The following SPATA4 variants were observed in gnomAD, a reference collection of about 807,000 sequenced individuals.
SPATA4 encodes the protein spermatogenesis-associated protein 4.
In SPATA4, 35 loss-of-function variants were observed where a neutral mutation model predicts 31.8. The observed-to-expected ratio is 1.10, with a 90% CI of 0.84 to 1.46. The LOEUF is 1.46. Ranked by LOEUF, SPATA4 falls within the 40% of genes most tolerant of loss-of-function variation. The pLI, the probability that SPATA4 is intolerant of heterozygous loss-of-function variation, is 0.00. For synonymous variants in SPATA4, 126 were observed against 132.4 expected (o/e 0.95, Z 0.33); for missense variants, 394 against 363.1 (o/e 1.09, Z -0.69).
chr4:176,192,984 C>G lies in SPATA4; in HGVS notation c.441G>C (p.Glu147Asp). The G allele has an allele frequency of 1.2e-6, 2 of 1,608,904 alleles. No individual in the cohort carries two copies. The highest frequency in any genetic ancestry group is 1.7e-5 in the Admixed American group (1 of 59,232). The change falls in exon 3 of 6, where the codon GAG becomes GAC. Residue 147 changes from glutamate (E) to aspartate (D), a missense_variant. Physicochemically the swap from Glu to Asp is conservative, Grantham distance 45. Transcript: ENST00000280191. ...KAGVPEILIE[E>D]VYTLLTHREI... ...CTCGATGTGTTAATAAAGTGTAAAC[C>G]TCTTCTATCAATATTTCAGGCACTC...
At chr4:176,192,454 A>C (rs1752545504) in intron 4 of SPATA4, among the ~76,000 whole-genome samples, 173 bp downstream of exon 4, 1 of 152,230 alleles carries the variant, frequency 6.6e-6, no homozygotes, top group African/African-American at 2.4e-5. Context: ...ATTGATTTAT[A>C]AACCACTCCA....
At position 176,193,162 on chromosome 4, in the gene SPATA4, T is replaced by A. The variant is rs2126924750; in HGVS notation, c.349-86A>T. ...TATGAATTCACTTTAATCTCCCTTT[T>A]ATTTACCTATGAAGTAATTTTTGTG... On this transcript the variant is annotated intron_variant, in intron 2 of 5. Transcript: ENST00000280191. The A allele has an allele frequency of 3.3e-6, 3 of 914,700 alleles. No individual in the cohort carries two copies. The South Asian group carries it at 5.1e-5, about 16-fold the overall frequency. 56.7% of individuals were successfully genotyped at this position (914,700 alleles called of 1,614,324 possible). A position where few individuals can be genotyped will look rare whatever the true frequency, so the allele number is the denominator to read the frequency against.
chr4:176,184,908 A>G lies in SPATA4; in HGVS notation c.806-16T>C. 1 of 1,476,114 alleles carries G rather than the reference A, an allele frequency of 6.8e-7. No individual in the cohort carries two copies. The highest frequency in any genetic ancestry group is 9.3e-7 in the Non-Finnish European group (1 of 1,074,256). The allele number at this position is 1,476,114 out of a possible 1,614,324, so 91.4% of individuals were successfully genotyped here. A position where few individuals can be genotyped will look rare whatever the true frequency, so the allele number is the denominator to read the frequency against. ...CCTATATTTGCTGGGACATTTAAAT[A>G]AGCAAAATTAAAATCAATTCATGGT... On this transcript the variant is annotated splice_polypyrimidine_tract_variant and intron_variant, in intron 5 of 5. Coordinates refer to ENST00000280191, the MANE Select transcript of SPATA4 (RefSeq NM_144644.4).
At chr4:176,188,346 T>TAAA in intron 4 of SPATA4, 111 bp from the exon 5 acceptor site, 1 of 696,816 alleles carries the variant, frequency 1.4e-6, no homozygotes, top group South Asian at 2.1e-5. Context: ...CTGTTTATCA[T>TAAA]ATTCCTGAGT....
In SPATA4 at chr4:176,195,515, T is replaced by C. The variant is rs1325745866; in HGVS notation, c.48A>G (p.Ala16=). 1.2e-6 allele frequency: 2 copies of C among 1,614,142 alleles called. No individual in the cohort carries two copies. The highest frequency in any genetic ancestry group is 1.7e-6 in the Non-Finnish European group (2 of 1,180,054). ...AAAGTGACGGTGACTTGTCTAGGGC[T>C]GCCGCAGTCTGTGTCAAATACCCTT... is the stretch of plus-strand genomic sequence containing the variant. ...QEKGYLTQTA[A]ALDKSPSLSP... The change falls in exon 1 of 6, where the codon GCA becomes GCG. Residue 16 remains alanine (A), a synonymous_variant. Transcript: ENST00000280191.
rs778467630 is a variant in SPATA4, at chr4:176,195,555, G to A, written c.8C>T (p.Ala3Val). The change falls in exon 1 of 6, where the codon GCC becomes GTC. Residue 3 changes from alanine to valine, a missense_variant. Coordinates refer to ENST00000280191, the MANE Select transcript of SPATA4 (RefSeq NM_144644.4). ...CAAATACCCTTTTTCCTGGCCGGCG[G>A]CAGCCATGACGCTTTCTGGGTTGCT... The part of the protein sequence containing the change: MA[A>V]AGQEKGYLTQ... 6.2e-7 allele frequency: 1 copy of A among 1,613,410 alleles called. No homozygotes were observed. The highest frequency in any genetic ancestry group is 8.5e-7 in the Non-Finnish European group (1 of 1,179,928).
chr4:176,191,663 A>C (rs1407563672), intron 4 of SPATA4, among the ~76,000 whole-genome samples: 1 of 152,216 alleles, frequency 6.6e-6, no homozygotes, highest in East Asian at 1.9e-4. Flanking sequence ...TTTCAAGATA[A>C]AACTCTTCTC....
rs1554040730 is a variant in SPATA4 at position 176,188,202 on chromosome 4, A to C, written c.722T>G (p.Val241Gly). Residue 241 changes from valine to glycine, a missense_variant, in exon 5 of 6, where the codon GTT becomes GGT. By Grantham distance (109) the Val-to-Gly change is moderately radical. Transcript: ENST00000280191. ...WFDVKPTVGE[V>G]TLNHLPAQAS... ...TTGGGCAGGAAGGTGATTGAGAGTA[A>C]CTTCTCCCACTGTTGGTTTCACATC... The C allele has an allele frequency of 3.1e-6, 5 of 1,612,430 alleles. No individual in the cohort carries two copies. The highest frequency in any genetic ancestry group is 1.7e-4 in the Middle Eastern group (1 of 6,060).
At chr4:176,188,851 T>C (rs1752486033) in intron 4 of SPATA4, among the ~76,000 whole-genome samples, 1 of 152,240 alleles carries the variant, frequency 6.6e-6, no homozygotes, top group Non-Finnish European at 1.5e-5. Flanking sequence ...CAACTCATCC[T>C]TCACTGAGGC....
intron 4 of SPATA4, 55 bp downstream of exon 4, chr4:176,192,572 C>A: frequency 6.8e-7 from 1 of 1,472,120 alleles, no homozygotes. Flanking sequence ...CATCTGTGCT[C>A]AAGAATAGCC....
intron 5 of SPATA4, 29 bp downstream of exon 5, chr4:176,188,090 A>T (rs534612733): frequency 6.6e-7 from 1 of 1,517,996 alleles, no homozygotes. Context: ...AAAAAAATCA[A>T]TTTTAAGAAG....
intron 4 of SPATA4, among the ~76,000 whole-genome samples, chr4:176,189,434 G>A (rs1484174886): frequency 6.7e-6 from 1 of 149,350 alleles, no homozygotes; most frequent in Admixed American, 6.8e-5. Context: ...AGATAGGTAA[G>A]ATGAAAAGAA....
intron 5 of SPATA4, among the ~76,000 whole-genome samples, chr4:176,185,357 A>G (rs891980790): frequency 6.6e-6 from 1 of 152,212 alleles, no homozygotes; most frequent in Non-Finnish European, 1.5e-5. Context: ...TAAGACATCT[A>G]TATTCCATTG....
rs778928729 is a variant in SPATA4, at chr4:176,195,453, T to C, written c.110A>G (p.Lys37Arg). ...CGCATGCGGATAGACCAGACACTTC[T>C]TAGGCCTCCCTCGGATGGGAGCTGC... ...QLAAPIRGRPKKCLVYPHAPK... is the reference protein window; with the variant it reads ...QLAAPIRGRPRKCLVYPHAPK... Residue 37 changes from lysine to arginine, a missense_variant, in exon 1 of 6, where the codon AAG (lysine) becomes AGG (arginine). Coordinates refer to ENST00000280191, the MANE Select transcript of SPATA4 (RefSeq NM_144644.4). 3 of 1,614,266 alleles carry C rather than the reference T, an allele frequency of 1.9e-6. No homozygotes were observed. Among genetic ancestry groups the C allele is most frequent in the Non-Finnish European group, 2.5e-6 (3 of 1,180,038 alleles).
At position 176,188,203 on chromosome 4, in the gene SPATA4, C is replaced by A. The variant is rs1181006506; in HGVS notation, c.721G>T (p.Val241Phe). Residue 241 changes from valine to phenylalanine, a missense_variant, in exon 5 of 6, where the codon GTT becomes TTT. Coordinates refer to ENST00000280191, the MANE Select transcript of SPATA4 (RefSeq NM_144644.4). ...WFDVKPTVGE[V>F]TLNHLPAQAS... ...TGGGCAGGAAGGTGATTGAGAGTAACTTCTCCCACTGTTGGTTTCACATCA... is the reference window on the plus strand; with the variant it reads ...TGGGCAGGAAGGTGATTGAGAGTAAATTCTCCCACTGTTGGTTTCACATCA... 6.2e-7 allele frequency: 1 copy of A among 1,612,208 alleles called. No homozygotes were observed. Among genetic ancestry groups the A allele is most frequent in the African/African-American group, 1.3e-5 (1 of 74,774 alleles).
chr4:176,184,946 A>G (rs1752417772), intron 5 of SPATA4, 54 bp from the exon 6 acceptor site: 5 of 1,088,998 alleles, frequency 4.6e-6, no homozygotes, highest in Non-Finnish European at 6.9e-6. Flanking sequence ...CTAAATATTC[A>G]TACAAGCATC....
intron 5 of SPATA4, 110 bp from the exon 6 acceptor site, chr4:176,185,002 T>C: frequency 1.8e-6 from 1 of 549,432 alleles, no homozygotes; most frequent in South Asian, 2.9e-5. Context: ...TGGCAAGAGG[T>C]CAAGCACAGT....
Position 176,195,419 on chromosome 4 carries a change from G to A in SPATA4, c.144C>T (p.Ser48=), listed in dbSNP as rs1340963307. ...KCLVYPHAPK[S]SRLSRSVLRW... ...GCAGAACGGAACGAGACAAGCGGGA[G>A]CTCTTCGGCGCATGCGGATAGACCA... is the stretch of plus-strand genomic sequence containing the variant. The change falls in exon 1 of 6, where the codon AGC becomes AGT. Residue 48 remains serine (S), a synonymous_variant. Coordinates refer to ENST00000280191, the MANE Select transcript of SPATA4 (RefSeq NM_144644.4). 6.2e-7 allele frequency: 1 copy of A among 1,614,156 alleles called. No homozygotes were observed. The highest frequency in any genetic ancestry group is 8.5e-7 in the Non-Finnish European group (1 of 1,180,052).
Position 176,188,153 on chromosome 4 carries a change from T to G in SPATA4, c.771A>C (p.Leu257Phe), listed in dbSNP as rs747191877. ...PAQASGRRYN[L>F]KVKRGRVVPV... is the part of the protein sequence containing the mutation. ...GGACAACTCTTCCTCTTTTAACTTTTAAATTATATCTGCGCCCAGAGGCTT... is the reference window on the plus strand; with the variant it reads ...GGACAACTCTTCCTCTTTTAACTTTGAAATTATATCTGCGCCCAGAGGCTT... Residue 257 changes from leucine to phenylalanine, a missense_variant, in exon 5 of 6, where the codon TTA (leucine) becomes TTC (phenylalanine). By Grantham distance (22) the Leu-to-Phe change is conservative. Coordinates refer to ENST00000280191, the MANE Select transcript of SPATA4 (RefSeq NM_144644.4). 9 of 1,613,506 alleles carry G rather than the reference T, an allele frequency of 5.6e-6. No homozygotes were observed. In the East Asian group the frequency reaches 2.0e-4, roughly 36 times the overall value.
Sources: gnomAD v4.1 joint callset for allele counts (sites outside exome capture counted in the v4.1 genomes callset) on GRCh38, gnomAD v4.1.1 for gene constraint, MANE v1.5 for transcripts, NCBI Gene and HGNC (gene_info 2026-07-23, HGNC 2026-07-21) for gene names.